The following CAPSL variants were observed in gnomAD, a reference collection of about 807,000 sequenced individuals.
CAPSL encodes calcyphosin-like protein.
CAPSL carries 17 observed loss-of-function variants against 21.3 expected under a neutral mutation model. The ratio of observed to expected loss-of-function variants is 0.80; its 90% CI spans 0.55 to 1.20. CAPSL has a LOEUF of 1.20. CAPSL is among the 50% of genes most tolerant of loss of function. The pLI is 0.00. For missense variants in CAPSL, 289 were observed against 259.3 expected (o/e 1.11, Z -0.79); for synonymous variants, 102 against 89.3 (o/e 1.14, Z -0.80).
At chr5:35,906,204 AGTTT>A (rs1262478525) in intron 4 of CAPSL, among the ~76,000 whole-genome samples, 2 of 152,130 alleles carry the variant, frequency 1.3e-5, no homozygotes, top group Non-Finnish European at 2.9e-5. Flanking sequence ...CGATATTTTT[AGTTT>A]GTTATTGTTT....
At position 35,904,466 on chromosome 5, in the gene CAPSL, A is replaced by G. The variant is rs2149913771; in HGVS notation, c.*79T>C. ...CATTAGGATGAGTGTGAAATCAAAT[A>G]CGATTCTGGTTTTTGAGCTGACATT... On this transcript the variant is annotated 3_prime_UTR_variant, in exon 5 of 5. Coordinates refer to ENST00000651391, the MANE Select transcript of CAPSL (RefSeq NM_001042625.2). 2 of 1,049,334 alleles carry G rather than the reference A, an allele frequency of 1.9e-6. No homozygotes were observed. Among genetic ancestry groups the G allele is most frequent in the Admixed American group, 2.1e-5 (1 of 46,746 alleles). The allele number at this position is 1,049,334 out of a possible 1,614,324, so 65.0% of individuals were successfully genotyped here. A position where few individuals can be genotyped will look rare whatever the true frequency, so the allele number is the denominator to read the frequency against.
chr5:35,909,007 G>A (rs974066442), intron 4 of CAPSL, among the ~76,000 whole-genome samples: 1 of 151,978 alleles, frequency 6.6e-6, no homozygotes, highest in Non-Finnish European at 1.5e-5. Flanking sequence ...CTGTGCTGCT[G>A]CTGACTGTTA....
intron 2 of CAPSL, among the ~76,000 whole-genome samples, chr5:35,919,170 A>AAAAAAATAAATATATATATAT (rs754098152): frequency 8.2e-6 from 1 of 121,274 alleles, no homozygotes; most frequent in African/African-American, 3.0e-5. Context: ...TAAAAAAAAA[A>AAAAAAATAAATATATATATAT]ATATATATAT....
intron 1 of CAPSL, 21 bp downstream of exon 1, chr5:35,938,520 T>A (rs1016522602): frequency 5.2e-5 from 8 of 152,768 alleles, no homozygotes; most frequent in African/African-American, 1.4e-4. Flanking sequence ...AATCATAGAA[T>A]AGATAAAAAC....
rs1429923074 is a variant in CAPSL at position 35,921,075 on chromosome 5, T to G, written c.46A>C (p.Lys16Gln). ...RHDREMAIQA[K>Q]KKLTTATDPI... is the part of the protein sequence containing the mutation. Reference sequence around the variant, plus strand: ...TCGGTGGCCGTGGTGAGCTTTTTCTTGGCCTGGATCGCCATCTCTCGGTCA... The same window carrying G: ...TCGGTGGCCGTGGTGAGCTTTTTCTGGGCCTGGATCGCCATCTCTCGGTCA... Residue 16 changes from lysine (K) to glutamine (Q), a missense_variant, in exon 2 of 5, where the codon AAG becomes CAG. Physicochemically the swap from Lys to Gln is moderately conservative, Grantham distance 53. Coordinates refer to ENST00000651391, the MANE Select transcript of CAPSL (RefSeq NM_001042625.2). 1 of 1,614,108 alleles carries G rather than the reference T, an allele frequency of 6.2e-7. No individual in the cohort carries two copies. Among genetic ancestry groups the G allele is most frequent in the Non-Finnish European group, 8.5e-7 (1 of 1,180,030 alleles).
At position 35,909,996 on chromosome 5, in the gene CAPSL, G is replaced by T. The variant is rs536976217; in HGVS notation, c.395C>A (p.Thr132Lys). 1.2e-6 allele frequency: 2 copies of T among 1,613,718 alleles called. No individual in the cohort carries two copies. Among genetic ancestry groups the T allele is most frequent in the East Asian group, 2.2e-5 (1 of 44,866 alleles). ...KLDKTGDGVI[T>K]IEDLREVYNA... ...ATATACTTCACGAAGGTCTTCGATT[G>T]TTATAACACCATCTCCAGTCTTGTC... The change falls in exon 4 of 5, where the codon ACA (threonine) becomes AAA (lysine). Residue 132 changes from threonine (T) to lysine (K), a missense_variant. By Grantham distance (78) the Thr-to-Lys change is moderately conservative. Coordinates refer to ENST00000651391, the MANE Select transcript of CAPSL (RefSeq NM_001042625.2).
rs563227071 is a variant in CAPSL at position 35,925,316 on chromosome 5, G to A, written c.1-4196C>T. ...GGGGCTTTCTGAGGACCTCTCAGAG[G>A]AGGTGATGTCTAAACTTTCATCCTA... is the stretch of plus-strand genomic sequence containing the variant. On this transcript the variant is annotated intron_variant, in intron 1 of 4. Transcript: ENST00000651391. Among the ~76,000 whole-genome samples the A allele has an allele frequency of 5.9e-5, 9 of 152,356 alleles. No homozygotes were observed. In the South Asian group the frequency reaches 1.9e-3, roughly 32 times the overall value.
chr5:35,927,402 G>T (rs894384878), intron 1 of CAPSL, among the ~76,000 whole-genome samples: 1 of 152,168 alleles, frequency 6.6e-6, no homozygotes, highest in Non-Finnish European at 1.5e-5. Flanking sequence ...CAAGGAACCT[G>T]GGGTTGCTAT....
rs372667859 is a variant in CAPSL, at chr5:35,910,629, G to C, written c.138-86C>G. The C allele has an allele frequency of 4.9e-6, 5 of 1,025,064 alleles. No homozygotes were observed. The Admixed American group carries it at 1.2e-4, about 24-fold the overall frequency. The allele number at this position is 1,025,064 out of a possible 1,614,324, so 63.5% of individuals were successfully genotyped here. On this transcript the variant is annotated intron_variant, in intron 2 of 4. Coordinates refer to ENST00000651391, the MANE Select transcript of CAPSL (RefSeq NM_001042625.2). The stretch of plus-strand genomic sequence containing the variant: ...GATTAAAAAAAAATCCACACTCAAG[G>C]TTTCGTCAAATTAAAATACAAAAGT...
At chr5:35,915,603 C>T (rs1224937829) in intron 2 of CAPSL, among the ~76,000 whole-genome samples, 1 of 152,118 alleles carries the variant, frequency 6.6e-6, no homozygotes, top group Non-Finnish European at 1.5e-5. Flanking sequence ...GAACCAACGA[C>T]AAAAACCACA....
intron 3 of CAPSL, 49 bp downstream of exon 3, chr5:35,910,317 C>CGTGGTAGCCAACCCAAACT (rs753317475): frequency 2.5e-6 from 4 of 1,577,796 alleles, no homozygotes; most frequent in Non-Finnish European, 3.4e-6. Flanking sequence ...CAACCCAAAC[C>CGTGGTAGCCAACCCAAACT]ACGTGAAAGC....
chr5:35,930,104 A>G (rs1157297922), intron 1 of CAPSL, among the ~76,000 whole-genome samples: 1 of 152,214 alleles, frequency 6.6e-6, no homozygotes, highest in Admixed American at 6.5e-5. Flanking sequence ...GTCAACTTCC[A>G]CATACCACAT....
intron 2 of CAPSL, among the ~76,000 whole-genome samples, chr5:35,912,674 A>G (rs1406874719): frequency 6.6e-6 from 1 of 152,262 alleles, no homozygotes; most frequent in Non-Finnish European, 1.5e-5. Context: ...GAAAACTAAC[A>G]AACAGATAGG....
At chr5:35,910,315 A>G (rs761513771) in intron 3 of CAPSL, 51 bp downstream of exon 3, 2 of 1,577,632 alleles carry the variant, frequency 1.3e-6, no homozygotes, top group East Asian at 2.2e-5. Flanking sequence ...GCCAACCCAA[A>G]CCACGTGAAA....
chr5:35,923,852 A>G (rs1340353055), intron 1 of CAPSL, among the ~76,000 whole-genome samples: 1 of 152,202 alleles, frequency 6.6e-6, no homozygotes, highest in Non-Finnish European at 1.5e-5. Flanking sequence ...CAACATTGTG[A>G]ATGTAATATA....
At position 35,909,761 on chromosome 5, in the gene CAPSL, A is replaced by G. The variant is rs953083646; in HGVS notation, c.525+105T>C. 4.2e-5 allele frequency: 40 copies of G among 961,008 alleles called. No individual in the cohort carries two copies. In the South Asian group the frequency reaches 5.6e-4, roughly 13 times the overall value. The allele number at this position is 961,008 out of a possible 1,614,324, so 59.5% of individuals were successfully genotyped here. On this transcript the variant is annotated intron_variant, in intron 4 of 4. Coordinates refer to ENST00000651391, the MANE Select transcript of CAPSL (RefSeq NM_001042625.2). ...GGGAAATAGTTTACTTCTATTTACA[A>G]CAAATATGGTATCAATGTGTTAACA... is the stretch of plus-strand genomic sequence containing the variant.
At chr5:35,936,810 T>A (rs1738958700) in intron 1 of CAPSL, among the ~76,000 whole-genome samples, 1 of 152,200 alleles carries the variant, frequency 6.6e-6, no homozygotes, top group African/African-American at 2.4e-5. Flanking sequence ...CCTGATACAA[T>A]GATGACTAAC....
intron 4 of CAPSL, among the ~76,000 whole-genome samples, chr5:35,908,006 A>G (rs922627566): frequency 1.3e-5 from 2 of 152,268 alleles, no homozygotes; most frequent in African/African-American, 4.8e-5. Flanking sequence ...TGTCTATTAA[A>G]TGAGATATCC....
At chr5:35,918,900 A>T (rs1340841123) in intron 2 of CAPSL, among the ~76,000 whole-genome samples, 1 of 152,042 alleles carries the variant, frequency 6.6e-6, no homozygotes, top group Non-Finnish European at 1.5e-5. Flanking sequence ...CACTTGAGCA[A>T]TTGGGATGAA....
Sources: gnomAD v4.1 joint callset for allele counts (sites outside exome capture counted in the v4.1 genomes callset) on GRCh38, gnomAD v4.1.1 for gene constraint, MANE v1.5 for transcripts, NCBI Gene and HGNC (gene_info 2026-07-23, HGNC 2026-07-21) for gene names.